DPF3: variants seen among roughly 807,000 people sequenced by gnomAD.
DPF3 encodes the protein zinc finger protein DPF3.
DPF3 carries 18 observed loss-of-function variants against 56.8 expected under a neutral mutation model. That is an observed-to-expected ratio of 0.32 (90% CI 0.22 to 0.47). DPF3 has a LOEUF of 0.47. Among genes scored for constraint, DPF3 ranks in the 20% least tolerant of loss-of-function variants. The pLI, the probability that DPF3 is intolerant of heterozygous loss-of-function variation, is 1.00. For synonymous variants in DPF3, 188 were observed against 180.2 expected (o/e 1.04, Z -0.35); for missense variants, 403 against 488.8 (o/e 0.82, Z 1.65).
chr14:72,691,121 C>T (rs889844797), intron 7 of DPF3, among the ~76,000 whole-genome samples: 2 of 152,124 alleles, frequency 1.3e-5, no homozygotes, highest in Non-Finnish European at 2.9e-5. Flanking sequence ...CAAGGAGAGG[C>T]GGGCAAGGCT....
chr14:72,885,115 G>A (rs1886490389), intron 1 of DPF3, among the ~76,000 whole-genome samples: 1 of 143,878 alleles, frequency 7.0e-6, no homozygotes, highest in African/African-American at 2.5e-5. Flanking sequence ...GACAGAGCGA[G>A]ACTCCGTCTC....
In DPF3 at chr14:72,891,202, T is replaced by C. The variant is rs2140137357; in HGVS notation, c.32+2855A>G. The stretch of plus-strand genomic sequence containing the variant: ...AGGCAGAGCCCTGCATAGGTGCTGC[T>C]GGAAATCTGAGCTTGTTTCTTCCCA... On this transcript the variant is annotated intron_variant, in intron 1 of 10. Coordinates refer to ENST00000556509, the MANE Select transcript of DPF3 (RefSeq NM_001280542.3). Among the ~76,000 whole-genome samples, 3 of 152,284 alleles carry C rather than the reference T, an allele frequency of 2.0e-5. No individual in the cohort carries two copies. In the South Asian group the frequency reaches 6.2e-4, roughly 32 times the overall value.
intron 1 of DPF3, among the ~76,000 whole-genome samples, chr14:72,810,121 A>G (rs1391671255): frequency 6.6e-6 from 1 of 152,202 alleles, no homozygotes; most frequent in Non-Finnish European, 1.5e-5. Context: ...AAACTGGAGC[A>G]TTTCATAGGG....
In DPF3 at chr14:72,731,676, T is replaced by C. The variant is rs78517745; in HGVS notation, c.429+131A>G. ...GAATTTGGGAGCTTCCTGGCCACCA[T>C]AGAAACAAGGCAGTCTGAGACTGAG... On this transcript the variant is annotated intron_variant, in intron 4 of 10. Coordinates refer to ENST00000556509, the MANE Select transcript of DPF3 (RefSeq NM_001280542.3). The C allele has an allele frequency of 1.1e-3, 1,390 of 1,303,460 alleles. 10 individuals are homozygous for C. The African/African-American group carries it at 0.018, about 17-fold the overall frequency. 80.7% of individuals were successfully genotyped at this position (1,303,460 alleles called of 1,614,324 possible).
intron 1 of DPF3, among the ~76,000 whole-genome samples, chr14:72,860,423 G>A (rs953346638): frequency 3.9e-5 from 6 of 152,092 alleles, no homozygotes; most frequent in Non-Finnish European, 7.4e-5. Flanking sequence ...ATGCTCAAGC[G>A]ATCCTACCAC....
intron 7 of DPF3, among the ~76,000 whole-genome samples, chr14:72,676,152 T>C (rs890759263): frequency 1.3e-5 from 2 of 152,122 alleles, no homozygotes; most frequent in Non-Finnish European, 2.9e-5. Context: ...AAAGAAGAGA[T>C]AGGGTATACT....
intron 1 of DPF3, among the ~76,000 whole-genome samples, chr14:72,826,866 C>T (rs1447006501): frequency 6.6e-6 from 1 of 152,000 alleles, no homozygotes; most frequent in Non-Finnish European, 1.5e-5. Flanking sequence ...GATGGTGAAA[C>T]CCCGTCTCTA....
chr14:72,852,780 C>A (rs1885031207), intron 1 of DPF3, among the ~76,000 whole-genome samples: 1 of 152,170 alleles, frequency 6.6e-6, no homozygotes, highest in African/African-American at 2.4e-5. Context: ...ATGTTTTTAG[C>A]CTGCATTTTA....
At chr14:72,724,169 T>G (rs1186032090) in intron 4 of DPF3, 1 of 155,372 alleles carries the variant, frequency 6.4e-6, no homozygotes, top group East Asian at 1.9e-4. Context: ...GCAAGTAACT[T>G]CCTGTTCATC....
intron 8 of DPF3, among the ~76,000 whole-genome samples, chr14:72,656,432 C>T (rs1038103094): frequency 6.6e-6 from 1 of 152,114 alleles, no homozygotes; most frequent in Non-Finnish European, 1.5e-5. Flanking sequence ...CAGGTGATGG[C>T]CAATAATACA....
At chr14:72,842,576 C>T (rs543705114) in intron 1 of DPF3, among the ~76,000 whole-genome samples, 4 of 152,212 alleles carry the variant, frequency 2.6e-5, no homozygotes, top group South Asian at 2.1e-4. Context: ...GGAAGGGGCA[C>T]GGCTAGGCTT....
At chr14:72,879,038 A>G (rs1886222301) in intron 1 of DPF3, among the ~76,000 whole-genome samples, 1 of 152,224 alleles carries the variant, frequency 6.6e-6, no homozygotes, top group South Asian at 2.1e-4. Context: ...CGCTCACTCA[A>G]CTATTCCCCA....
chr14:72,791,626 G>A (rs776543684), intron 1 of DPF3, among the ~76,000 whole-genome samples: 4 of 152,196 alleles, frequency 2.6e-5, no homozygotes, highest in East Asian at 1.9e-4. Context: ...AAACAAAGCC[G>A]CCATCACAGC....
rs114802967 is a variant in DPF3 at position 72,717,535 on chromosome 14, G to A, written c.526-3034C>T. Among the ~76,000 whole-genome samples the A allele has an allele frequency of 4.7e-3, 723 of 152,254 alleles. 6 individuals carry two copies. The highest frequency in any genetic ancestry group is 0.017 in the African/African-American group (699 of 41,538). On this transcript the variant is annotated intron_variant, in intron 5 of 10. Transcript: ENST00000556509. ...GCCTGCTGTTTCTAATGGTATCATG[G>A]GTATTAGCATCTTCTTCCCAGTTTG...
chr14:72,611,120 C>T lies in DPF3; in HGVS notation c.*8177G>A, dbSNP rs531802388. On this transcript the variant is annotated 3_prime_UTR_variant, in exon 11 of 11. Transcript: ENST00000556509. The stretch of plus-strand genomic sequence containing the variant: ...GAGGAGCCTTCCCTTGGGCCACCCC[C>T]CACAGAGAAGCTATAGCTCTGAGCC... Among the ~76,000 whole-genome samples the T allele has an allele frequency of 2.6e-5, 4 of 152,182 alleles. No individual in the cohort carries two copies. The highest frequency in any genetic ancestry group is 5.9e-5 in the Non-Finnish European group (4 of 68,044).
At chr14:72,890,494 A>AAATAATAATAATAAT (rs6145389) in intron 1 of DPF3, among the ~76,000 whole-genome samples, 1 of 51,128 alleles carries the variant, frequency 2.0e-5, no homozygotes, top group Non-Finnish European at 3.4e-5. Context: ...CTGTCTCAAA[A>AAATAATAATAATAAT]AATAATGATA....
chr14:72,886,058 T>C (rs1283430382), intron 1 of DPF3, among the ~76,000 whole-genome samples: 1 of 152,108 alleles, frequency 6.6e-6, no homozygotes, highest in Non-Finnish European at 1.5e-5. Flanking sequence ...GCATACAAAG[T>C]TTCTCTCCGG....
In DPF3 at chr14:72,731,787, C is replaced by G; in HGVS notation, c.429+20G>C. On this transcript the variant is annotated intron_variant, in intron 4 of 10. Transcript: ENST00000556509. ...GGTGACAGGAACACTCTGTGGGGTC[C>G]CCAGCAGGTGTGGGAATACCTGTAT... 6.2e-7 allele frequency: 1 copy of G among 1,612,856 alleles called. No individual in the cohort carries two copies. The highest frequency in any genetic ancestry group is 8.5e-7 in the Non-Finnish European group (1 of 1,179,474).
At chr14:72,801,479 C>T (rs1019667197) in intron 1 of DPF3, among the ~76,000 whole-genome samples, 1 of 152,214 alleles carries the variant, frequency 6.6e-6, no homozygotes, top group African/African-American at 2.4e-5. Flanking sequence ...CATACAGAAC[C>T]ACACTGTGCA....
Sources: gnomAD v4.1 joint callset for allele counts (sites outside exome capture counted in the v4.1 genomes callset) on GRCh38, gnomAD v4.1.1 for gene constraint, MANE v1.5 for transcripts, NCBI Gene and HGNC (gene_info 2026-07-23, HGNC 2026-07-21) for gene names.